The following TBC1D9 variants were observed in gnomAD, a reference collection of about 807,000 sequenced individuals.
TBC1D9 encodes the protein TBC1 domain family member 9.
TBC1D9 carries 63 observed loss-of-function variants against 132.0 expected under a neutral mutation model. The observed-to-expected ratio is 0.48, with a 90% CI of 0.39 to 0.59. The LOEUF (loss-of-function observed/expected upper bound fraction) is 0.59, where lower values mean the gene tolerates loss of function less well. TBC1D9 is among the 20% of genes least tolerant of loss of function. The pLI is 0.00. For missense variants in TBC1D9, 1,261 were observed against 1,592.7 expected (o/e 0.79, Z 3.54); for synonymous variants, 610 against 609.9 (o/e 1.00, Z 0.00).
intron 1 of TBC1D9, among the ~76,000 whole-genome samples, chr4:140,719,662 T>C (rs1433188872): frequency 6.6e-6 from 1 of 152,194 alleles, no homozygotes; most frequent in Non-Finnish European, 1.5e-5. Context: ...AGAAATATAA[T>C]CTATCACTGA....
At chr4:140,745,415 C>T (rs1331069435) in intron 1 of TBC1D9, among the ~76,000 whole-genome samples, 1 of 152,176 alleles carries the variant, frequency 6.6e-6, no homozygotes, top group Non-Finnish European at 1.5e-5. Context: ...GATCTACTCA[C>T]ACAGGGATTT....
chr4:140,650,245 G>A (rs1294453845), intron 13 of TBC1D9, among the ~76,000 whole-genome samples: 4 of 152,234 alleles, frequency 2.6e-5, no homozygotes, highest in African/African-American at 9.6e-5. Context: ...CAGCCAGTAG[G>A]CTAGAAAGTC....
rs1332375592 is a variant in TBC1D9 at position 140,622,470 on chromosome 4, C to T, written c.3526G>A (p.Asp1176Asn). 6.2e-7 allele frequency: 1 copy of T among 1,613,928 alleles called. No individual in the cohort carries two copies. Among genetic ancestry groups the T allele is most frequent in the Non-Finnish European group, 8.5e-7 (1 of 1,179,898 alleles). Residue 1176 changes from aspartate (D) to asparagine (N), a missense_variant, in exon 21 of 21, where the codon GAC becomes AAC. Asp to Asn is a conservative substitution (Grantham distance 23, BLOSUM62 1). Transcript: ENST00000442267. ...CCGATGTCCTCGCAGTGCAGCTTGTCCTCCTCGTGGGAGCCGGCACTCAGC... is the reference window on the plus strand; with the variant it reads ...CCGATGTCCTCGCAGTGCAGCTTGTTCTCCTCGTGGGAGCCGGCACTCAGC... ...SVLSAGSHEE[D>N]KLHCEDIGED... is the part of the protein sequence containing the mutation.
At chr4:140,729,852 T>C (rs990249194) in intron 1 of TBC1D9, among the ~76,000 whole-genome samples, 10 of 133,626 alleles carry the variant, frequency 7.5e-5, no homozygotes, top group African/African-American at 1.7e-4. Flanking sequence ...AAAATCCCCT[T>C]GAGTGGTTAT....
chr4:140,630,612 C>A (rs1736780139), intron 16 of TBC1D9, among the ~76,000 whole-genome samples: 1 of 152,160 alleles, frequency 6.6e-6, no homozygotes, highest in Admixed American at 6.5e-5. Flanking sequence ...TTCTTCCCAC[C>A]CAAGAAACTC....
At chr4:140,653,368 G>C (rs1442237913) in intron 13 of TBC1D9, among the ~76,000 whole-genome samples, 4 of 152,150 alleles carry the variant, frequency 2.6e-5, no homozygotes, top group Non-Finnish European at 4.4e-5. Context: ...TGTCATGCCT[G>C]AGCCCAAACC....
chr4:140,698,743 TG>T (rs994827881), intron 2 of TBC1D9, among the ~76,000 whole-genome samples: 20 of 123,194 alleles, frequency 1.6e-4, no homozygotes, highest in South Asian at 1.1e-3. Flanking sequence ...ATCTCGGGGG[TG>T]GGGGGGGGAA....
intron 3 of TBC1D9, among the ~76,000 whole-genome samples, chr4:140,683,970 T>C (rs1037916618): frequency 1.3e-5 from 2 of 152,212 alleles, no homozygotes; most frequent in African/African-American, 4.8e-5. Flanking sequence ...AGGTGACTTC[T>C]AGAAAGACAG....
intron 1 of TBC1D9, among the ~76,000 whole-genome samples, chr4:140,713,450 A>G (rs1738281326): frequency 6.6e-6 from 1 of 152,126 alleles, no homozygotes; most frequent in Non-Finnish European, 1.5e-5. Flanking sequence ...ATTATTTGAA[A>G]TATATTTTTA....
At position 140,671,712 on chromosome 4, in the gene TBC1D9, G is replaced by GTGTGTGTGTGTGTGTGTA. The variant is rs766300047; in HGVS notation, c.1060-787_1060-786insTACACACACACACACACA. Among the ~76,000 whole-genome samples, 103 of 147,780 alleles carry GTGTGTGTGTGTGTGTGTA rather than the reference G, an allele frequency of 7.0e-4. 3 individuals are homozygous for GTGTGTGTGTGTGTGTGTA. Among genetic ancestry groups the GTGTGTGTGTGTGTGTGTA allele is most frequent in the African/African-American group, 2.4e-3 (95 of 40,106 alleles). On this transcript the variant is annotated intron_variant, in intron 6 of 20. Transcript: ENST00000442267. ...TGTGTGTGTGTGTGTGTGTGTGTGT[G>GTGTGTGTGTGTGTGTGTA]TGTGCCGAAGCCTACCACATTGGGG...
At chr4:140,664,658 A>C (rs1578831067) in intron 9 of TBC1D9, among the ~76,000 whole-genome samples, 1 of 152,342 alleles carries the variant, frequency 6.6e-6, no homozygotes, top group East Asian at 1.9e-4. Context: ...GTCCAGAAAT[A>C]AATCCTAACA....
At chr4:140,651,168 T>C (rs1282196448) in intron 13 of TBC1D9, among the ~76,000 whole-genome samples, 3 of 152,180 alleles carry the variant, frequency 2.0e-5, no homozygotes, top group Admixed American at 1.3e-4. Flanking sequence ...AAAAACACTT[T>C]TCAAAATCAG....
chr4:140,748,715 CAAGA>C (rs1421573401), intron 1 of TBC1D9, among the ~76,000 whole-genome samples: 2 of 152,238 alleles, frequency 1.3e-5, no homozygotes, highest in African/African-American at 4.8e-5. Flanking sequence ...AAATATCCTT[CAAGA>C]AAGAAAGCAT....
chr4:140,623,064 T>G, intron 20 of TBC1D9, 147 bp from the exon 21 acceptor site: 1 of 978,866 alleles, frequency 1.0e-6, no homozygotes, highest in Non-Finnish European at 1.4e-6. Context: ...GTTTAAAGTC[T>G]CCTATTGATG....
chr4:140,673,119 C>T (rs188280026), intron 6 of TBC1D9, among the ~76,000 whole-genome samples: 2 of 151,550 alleles, frequency 1.3e-5, no homozygotes, highest in African/African-American at 4.8e-5. Context: ...TGAACCAAGA[C>T]TGTGCCACTG....
intron 1 of TBC1D9, among the ~76,000 whole-genome samples, chr4:140,727,341 T>G: frequency 6.6e-6 from 1 of 152,192 alleles, no homozygotes; most frequent in East Asian, 1.9e-4. Context: ...CTCCTGCATC[T>G]ACTTTCACCT....
chr4:140,715,837 A>G (rs945850774), intron 1 of TBC1D9: 4 of 152,136 alleles, frequency 2.6e-5, no homozygotes, highest in African/African-American at 9.7e-5. Context: ...TCACAGACAA[A>G]TTTCATTTTG....
intron 1 of TBC1D9, among the ~76,000 whole-genome samples, chr4:140,736,405 G>C (rs766667354): frequency 6.6e-6 from 1 of 152,060 alleles, no homozygotes; most frequent in Non-Finnish European, 1.5e-5. Flanking sequence ...GCCAGGCATG[G>C]TGGTACGTGC....
At chr4:140,684,497 T>C (rs1181446010) in intron 3 of TBC1D9, among the ~76,000 whole-genome samples, 2 of 152,072 alleles carry the variant, frequency 1.3e-5, no homozygotes, top group African/African-American at 4.8e-5. Context: ...CTCCTCATAA[T>C]TGGTTTCAGG....
Sources: allele counts gnomAD v4.1 joint callset (sites outside exome capture counted in the v4.1 genomes callset), GRCh38; gene constraint gnomAD v4.1.1; transcripts MANE v1.5; gene names NCBI Gene and HGNC (gene_info 2026-07-23, HGNC 2026-07-21).